Variants in PPP3CC observed in about 807,000 individuals in gnomAD.
The protein encoded by PPP3CC is protein phosphatase 3 catalytic subunit gamma, also known as serine/threonine-protein phosphatase 2B catalytic subunit gamma isoform.
A neutral mutation model predicts 60.3 loss-of-function variants in PPP3CC; 35 were observed. The observed-to-expected ratio is 0.58, with a 90% CI of 0.44 to 0.77. The LOEUF is 0.77. Among genes scored for constraint, PPP3CC ranks in the 30% least tolerant of loss-of-function variants. The pLI is 0.00. For missense variants in PPP3CC, 570 were observed against 628.9 expected (o/e 0.91, Z 1.00); for synonymous variants, 206 against 224.3 (o/e 0.92, Z 0.73).
intron 10 of PPP3CC, among the ~76,000 whole-genome samples, chr8:22,531,648 T>C (rs1404406604): frequency 1.3e-5 from 2 of 152,368 alleles, no homozygotes; most frequent in African/African-American, 4.8e-5. Flanking sequence ...AAGTTAACTT[T>C]TTCTGTTGTT....
intron 1 of PPP3CC, among the ~76,000 whole-genome samples, chr8:22,442,698 T>C: frequency 6.6e-6 from 1 of 152,336 alleles, no homozygotes; most frequent in East Asian, 1.9e-4. Context: ...TAAATGTGTC[T>C]TCATATTATT....
intron 13 of PPP3CC, 137 bp from the exon 14 acceptor site, chr8:22,540,478 T>A: frequency 1.2e-6 from 1 of 817,632 alleles, no homozygotes; most frequent in Non-Finnish European, 1.9e-6. Context: ...TGCCCATGAC[T>A]TTCACTAGAC....
intron 3 of PPP3CC, among the ~76,000 whole-genome samples, chr8:22,488,835 C>T (rs1231408924): frequency 6.6e-6 from 1 of 152,136 alleles, no homozygotes; most frequent in East Asian, 1.9e-4. Context: ...GGCAGAGGCA[C>T]AACCAGTGTA....
intron 1 of PPP3CC, among the ~76,000 whole-genome samples, chr8:22,470,515 CAT>C (rs1837690011): frequency 6.6e-6 from 1 of 152,078 alleles, no homozygotes; most frequent in Non-Finnish European, 1.5e-5. Context: ...AAAGGCTTTA[CAT>C]CTGATAAAGG....
Position 22,475,598 on chromosome 8 carries a change from G to T in PPP3CC, c.346G>T (p.Val116Leu). ...NTRYLFLGDY[V>L]DRGYFSIECV... ...ACGCTACCTCTTTCTGGGTGACTAT[G>T]TGGACAGAGGCTATTTCAGTATAGA... is the stretch of plus-strand genomic sequence containing the variant. Residue 116 changes from valine (V) to leucine (L), a missense_variant, in exon 3 of 14, where the codon GTG (valine) becomes TTG (leucine). Transcript: ENST00000240139. 6.2e-7 allele frequency: 1 copy of T among 1,613,400 alleles called. No individual in the cohort carries two copies. The highest frequency in any genetic ancestry group is 1.7e-5 in the Admixed American group (1 of 60,004).
intron 8 of PPP3CC, among the ~76,000 whole-genome samples, chr8:22,525,526 CTT>C (rs1563780362): frequency 7.1e-4 from 68 of 95,576 alleles, no homozygotes; most frequent in African/African-American, 2.5e-3. Flanking sequence ...TTCTTTCTTT[CTT>C]TCTTTCTTTC....
intron 1 of PPP3CC, among the ~76,000 whole-genome samples, chr8:22,461,930 A>C (rs1201346839): frequency 6.6e-6 from 1 of 152,138 alleles, no homozygotes; most frequent in Non-Finnish European, 1.5e-5. Context: ...GGTATGAGTG[A>C]GCTGATATTA....
chr8:22,479,743 C>CAAAAA (rs76119074), intron 3 of PPP3CC, among the ~76,000 whole-genome samples: 6 of 53,968 alleles, frequency 1.1e-4, no homozygotes, highest in Middle Eastern at 8.9e-3. Flanking sequence ...GACTCTGTCT[C>CAAAAA]AAAAAAAAAA....
intron 3 of PPP3CC, among the ~76,000 whole-genome samples, chr8:22,497,419 T>A (rs1292421131): frequency 6.6e-6 from 1 of 152,002 alleles, no homozygotes; most frequent in Non-Finnish European, 1.5e-5. Context: ...TGCCTTAGCC[T>A]CCTGAGTAGC....
In PPP3CC at chr8:22,539,515, C is replaced by G; in HGVS notation, c.1351+17C>G. The G allele has an allele frequency of 6.2e-7, 1 of 1,612,464 alleles. No individual in the cohort carries two copies. On this transcript the variant is annotated intron_variant, in intron 13 of 13. Transcript: ENST00000240139. Reference sequence around the variant, plus strand: ...CCCGGGAAGGTATGGCCATATTACTCTGATAGATGTGATCCATGTGTCTGT... The same window carrying G: ...CCCGGGAAGGTATGGCCATATTACTGTGATAGATGTGATCCATGTGTCTGT...
At chr8:22,525,486 CTTTTCTTCTTTCTTTCT>C in intron 8 of PPP3CC, among the ~76,000 whole-genome samples, 1 of 143,856 alleles carries the variant, frequency 7.0e-6, no homozygotes, top group Admixed American at 7.0e-5. Context: ...TTTCTGCTTC[CTTTTCTTCTTTCTTTCT>C]TTCTTTCTTT....
intron 4 of PPP3CC, among the ~76,000 whole-genome samples, chr8:22,501,502 G>A (rs941509711): frequency 6.6e-6 from 1 of 152,194 alleles, no homozygotes; most frequent in Non-Finnish European, 1.5e-5. Context: ...GGCAGTCCTT[G>A]TAACTGTAGG....
intron 8 of PPP3CC, chr8:22,523,519 CA>C (rs755536134): frequency 2.3e-5 from 5 of 218,316 alleles, no homozygotes; most frequent in Non-Finnish European, 4.9e-5. Context: ...CATGCCAGAA[CA>C]AACATATCCA....
intron 1 of PPP3CC, among the ~76,000 whole-genome samples, chr8:22,470,316 A>G (rs2132460809): frequency 6.6e-6 from 1 of 152,198 alleles, no homozygotes; most frequent in South Asian, 2.1e-4. Flanking sequence ...TTTTTGAAAT[A>G]GTCTAGCTAT....
At position 22,461,731 on chromosome 8, in the gene PPP3CC, AGAGGACATACAG is replaced by A. The variant is rs1837367204; in HGVS notation, c.50-13220_50-13209del. On this transcript the variant is annotated intron_variant, in intron 1 of 13. Transcript: ENST00000240139. ...CCTCTCAAAAGGATAGAGTTAGGAA[AGAGGACATACAG>A]GATTTTAGGAGCTGTTAGTCACAGA... is the stretch of plus-strand genomic sequence containing the variant. Among the ~76,000 whole-genome samples the A allele has an allele frequency of 2.6e-5, 4 of 152,218 alleles. No individual in the cohort carries two copies. The South Asian group carries it at 8.3e-4, about 32-fold the overall frequency.
intron 4 of PPP3CC, among the ~76,000 whole-genome samples, chr8:22,505,941 G>C (rs1014523625): frequency 1.7e-4 from 26 of 151,308 alleles, no homozygotes; most frequent in African/African-American, 4.1e-4. Context: ...AGGGGTACAT[G>C]TGCAGGTTTG....
intron 1 of PPP3CC, among the ~76,000 whole-genome samples, chr8:22,451,458 G>C (rs753401907): frequency 6.6e-6 from 1 of 152,176 alleles, no homozygotes; most frequent in East Asian, 1.9e-4. Flanking sequence ...TAATACTACA[G>C]GTTGAGTGTT....
rs1048128164 is a variant in PPP3CC, at chr8:22,475,537, G to T, written c.285G>T (p.Met95Ile). The change falls in exon 3 of 14, where the codon ATG (methionine) becomes ATT (isoleucine). Residue 95 changes from methionine (M) to isoleucine (I), a missense_variant. By Grantham distance (10) the Met-to-Ile change is conservative. Coordinates refer to ENST00000240139, the MANE Select transcript of PPP3CC (RefSeq NM_005605.5). ...GDIHGQFFDL[M>I]KLFEVGGSPS... is the part of the protein sequence containing the mutation. ...TTCATGGACAATTCTTTGACCTAATGAAGTTATTTGAAGTTGGAGGATCAC... is the reference window on the plus strand; with the variant it reads ...TTCATGGACAATTCTTTGACCTAATTAAGTTATTTGAAGTTGGAGGATCAC... The T allele has an allele frequency of 6.2e-7, 1 of 1,610,390 alleles. No individual in the cohort carries two copies. Among genetic ancestry groups the T allele is most frequent in the Non-Finnish European group, 8.5e-7 (1 of 1,176,928 alleles).
chr8:22,473,786 T>C (rs943576939), intron 1 of PPP3CC, among the ~76,000 whole-genome samples: 1 of 152,058 alleles, frequency 6.6e-6, no homozygotes, highest in Admixed American at 6.6e-5. Context: ...TCTTTTATGC[T>C]CTGTTACTAC....
Sources: gnomAD v4.1 joint callset for allele counts (sites outside exome capture counted in the v4.1 genomes callset) on GRCh38, gnomAD v4.1.1 for gene constraint, MANE v1.5 for transcripts, NCBI Gene and HGNC (gene_info 2026-07-23, HGNC 2026-07-21) for gene names.